Variants in GABBR2 observed in about 807,000 individuals in gnomAD.
The protein encoded by GABBR2 is gamma-aminobutyric acid type B receptor subunit 2.
A neutral mutation model predicts 105.6 loss-of-function variants in GABBR2; 23 were observed. The ratio of observed to expected loss-of-function variants is 0.22; its 90% confidence interval spans 0.16 to 0.31. The LOEUF is 0.31. GABBR2 is among the 10% of genes least tolerant of loss of function. GABBR2 has a pLI of 1.00. For missense variants in GABBR2, 734 were observed against 1,245.5 expected (o/e 0.59, Z 6.18); for synonymous variants, 478 against 499.7 (o/e 0.96, Z 0.58).
chr9:98,505,447 T>TGTGTGTGC (rs1554712625), intron 3 of GABBR2, among the ~76,000 whole-genome samples: 4 of 151,740 alleles, frequency 2.6e-5, no homozygotes, highest in Non-Finnish European at 2.9e-5. Context: ...TGTGTGTGTG[T>TGTGTGTGC]GTGTGTGTGT....
intron 4 of GABBR2, among the ~76,000 whole-genome samples, chr9:98,491,989 G>A (rs1827183870): frequency 6.6e-6 from 1 of 152,054 alleles, no homozygotes. Context: ...AACATCGTGT[G>A]AGCCCCATAC....
intron 18 of GABBR2, 107 bp downstream of exon 18, chr9:98,293,678 A>G (rs1830336141): frequency 1.5e-6 from 1 of 663,646 alleles, no homozygotes; most frequent in Admixed American, 2.4e-5. Flanking sequence ...ATGGCTGTGG[A>G]AAGCAAATAA....
intron 3 of GABBR2, among the ~76,000 whole-genome samples, chr9:98,520,353 C>T (rs1251009050): frequency 6.6e-6 from 1 of 152,212 alleles, no homozygotes; most frequent in African/African-American, 2.4e-5. Context: ...TACTCTATAC[C>T]TCACGAAACC....
At chr9:98,322,116 C>T (rs1414115613) in intron 13 of GABBR2, among the ~76,000 whole-genome samples, 2 of 152,034 alleles carry the variant, frequency 1.3e-5, no homozygotes, top group African/African-American at 4.8e-5. Context: ...GCAGGGGATC[C>T]TATTTGGTCC....
chr9:98,637,031 A>G lies in GABBR2; in HGVS notation c.322-58959T>C, dbSNP rs116586916. On this transcript the variant is annotated intron_variant, in intron 1 of 18. Transcript: ENST00000259455. ...CCCGGCCTCTTCTTACAAACTTCCA[A>G]GGACAGGGAGGGCCTTCCTTTCAAG... Among the ~76,000 whole-genome samples the G allele has an allele frequency of 3.4e-3, 515 of 152,302 alleles. 4 individuals carry two copies. The highest frequency in any genetic ancestry group is 0.012 in the African/African-American group (487 of 41,560).
At chr9:98,460,747 A>G (rs1320614502) in intron 6 of GABBR2, among the ~76,000 whole-genome samples, 1 of 152,216 alleles carries the variant, frequency 6.6e-6, no homozygotes, top group South Asian at 2.1e-4. Flanking sequence ...AAAGGATACT[A>G]TTCTATTTCT....
intron 1 of GABBR2, among the ~76,000 whole-genome samples, chr9:98,691,953 G>A (rs1381517645): frequency 6.6e-6 from 1 of 152,180 alleles, no homozygotes; most frequent in African/African-American, 2.4e-5. Context: ...TTTTGTATTT[G>A]ACACTATTAT....
intron 1 of GABBR2, among the ~76,000 whole-genome samples, chr9:98,634,569 G>A (rs1255775571): frequency 6.6e-6 from 1 of 152,162 alleles, no homozygotes; most frequent in Non-Finnish European, 1.5e-5. Flanking sequence ...AGAGCCACCA[G>A]AGCTGGAAGA....
At position 98,356,627 on chromosome 9, in the gene GABBR2, T is replaced by TATATTAC. The variant is rs1433616766; in HGVS notation, c.1893+6087_1893+6088insGTAATAT. On this transcript the variant is annotated intron_variant, in intron 13 of 18. Coordinates refer to ENST00000259455, the MANE Select transcript of GABBR2 (RefSeq NM_005458.8). ...TAGTTTCTTACAAAACTAAACATCCTCTTACCATATAATCATAACTTGCAC... is the reference window on the plus strand; with the variant it reads ...TAGTTTCTTACAAAACTAAACATCCTATATTACCTTACCATATAATCATAACTTGCAC... Among the ~76,000 whole-genome samples the TATATTAC allele has an allele frequency of 3.3e-5, 5 of 152,244 alleles. No individual in the cohort carries two copies. In the East Asian group the frequency reaches 9.6e-4, roughly 29 times the overall value.
At chr9:98,337,487 G>A (rs78999490) in intron 13 of GABBR2, among the ~76,000 whole-genome samples, 5,848 of 152,144 alleles carry the variant, frequency 0.038, 147 homozygotes, top group Middle Eastern at 0.044. Flanking sequence ...AAAACTGATC[G>A]TATAAATCAT....
At chr9:98,698,784 C>T (rs1830790365) in intron 1 of GABBR2, among the ~76,000 whole-genome samples, 1 of 152,152 alleles carries the variant, frequency 6.6e-6, no homozygotes, top group Non-Finnish European at 1.5e-5. Context: ...AGGCATGAGC[C>T]ACTGCACCCA....
chr9:98,638,590 C>T (rs1179031062), intron 1 of GABBR2, among the ~76,000 whole-genome samples: 1 of 152,086 alleles, frequency 6.6e-6, no homozygotes, highest in Non-Finnish European at 1.5e-5. Context: ...TTTGCATAGG[C>T]CTTTCCTGAG....
intron 1 of GABBR2, among the ~76,000 whole-genome samples, chr9:98,586,324 G>C (rs1226247302): frequency 7.2e-6 from 1 of 138,082 alleles, no homozygotes; most frequent in African/African-American, 2.7e-5. Flanking sequence ...TTTTTAGACA[G>C]ACTCTCAGTC....
At chr9:98,554,920 G>C (rs544556506) in intron 2 of GABBR2, among the ~76,000 whole-genome samples, 2 of 152,308 alleles carry the variant, frequency 1.3e-5, no homozygotes, top group South Asian at 4.1e-4. Flanking sequence ...AGAATGCTGG[G>C]TTTCAGTTTG....
At chr9:98,567,457 C>T (rs1384147477) in intron 2 of GABBR2, among the ~76,000 whole-genome samples, 3 of 152,000 alleles carry the variant, frequency 2.0e-5, no homozygotes, top group Non-Finnish European at 4.4e-5. Context: ...TTCGCCTCTC[C>T]TGTAAGTTCT....
chr9:98,640,074 A>G (rs1829938192), intron 1 of GABBR2, among the ~76,000 whole-genome samples: 1 of 150,690 alleles, frequency 6.6e-6, no homozygotes, highest in African/African-American at 2.4e-5. Flanking sequence ...TAAGACCTCC[A>G]TTTTATTTGA....
At chr9:98,447,417 C>T (rs1335823316) in intron 7 of GABBR2, among the ~76,000 whole-genome samples, 3 of 152,146 alleles carry the variant, frequency 2.0e-5, no homozygotes, top group Non-Finnish European at 4.4e-5. Flanking sequence ...ACACCAATGT[C>T]TGGCTGGTGG....
At chr9:98,498,399 T>C (rs1490783311) in intron 3 of GABBR2, among the ~76,000 whole-genome samples, 1 of 152,238 alleles carries the variant, frequency 6.6e-6, no homozygotes, top group Non-Finnish European at 1.5e-5. Flanking sequence ...ATGTATATTG[T>C]ATCACAATAA....
chr9:98,565,468 G>A (rs1366155334), intron 2 of GABBR2, among the ~76,000 whole-genome samples: 2 of 152,094 alleles, frequency 1.3e-5, no homozygotes, highest in Admixed American at 6.5e-5. Flanking sequence ...CAACATTATC[G>A]AGGTTATCAA....
Sources: gnomAD v4.1 joint callset for allele counts (sites outside exome capture counted in the v4.1 genomes callset) on GRCh38, gnomAD v4.1.1 for gene constraint, MANE v1.5 for transcripts, NCBI Gene and HGNC (gene_info 2026-07-23, HGNC 2026-07-21) for gene names.